The following SPIDR variants were observed in gnomAD, a reference collection of about 807,000 sequenced individuals.
The protein encoded by SPIDR is scaffold protein involved in DNA repair.
Under a neutral mutation model 104.6 loss-of-function variants are expected in SPIDR, and 93 were observed. The ratio of observed to expected loss-of-function variants is 0.89; its 90% CI spans 0.75 to 1.06. SPIDR has a LOEUF of 1.06. Ranked by LOEUF, SPIDR falls within the 50% of genes least tolerant of loss-of-function variation. The pLI is 0.00. For synonymous variants in SPIDR, 431 were observed against 416.9 expected, an observed-to-expected ratio of 1.03 and a Z score of -0.41; for missense variants, 1,154 against 1,111.2, an observed-to-expected ratio of 1.04 and a Z score of -0.55.
intron 5 of SPIDR, among the ~76,000 whole-genome samples, chr8:47,328,292 T>C (rs2048045331): frequency 1.3e-5 from 2 of 152,060 alleles, no homozygotes; most frequent in African/African-American, 4.8e-5. Flanking sequence ...AAAGTCTTGC[T>C]CTGTCACTCA....
chr8:47,345,015 T>C (rs1191218614), intron 5 of SPIDR, among the ~76,000 whole-genome samples: 2 of 152,238 alleles, frequency 1.3e-5, no homozygotes, highest in Admixed American at 6.5e-5. Flanking sequence ...GCTTTTGGTG[T>C]TTTAGACATG....
chr8:47,328,688 T>A (rs1419116569), intron 5 of SPIDR, among the ~76,000 whole-genome samples: 1 of 152,154 alleles, frequency 6.6e-6, no homozygotes, highest in Non-Finnish European at 1.5e-5. Flanking sequence ...TACAGTGGAA[T>A]CTTCACTTTT....
intron 8 of SPIDR, among the ~76,000 whole-genome samples, chr8:47,483,997 T>G (rs1287569694): frequency 6.7e-6 from 1 of 149,874 alleles, no homozygotes; most frequent in Admixed American, 6.6e-5. Context: ...AAAAAAAAAA[T>G]GTCGATGCAT....
intron 8 of SPIDR, among the ~76,000 whole-genome samples, chr8:47,494,881 T>C (rs2079210403): frequency 6.6e-6 from 1 of 152,188 alleles, no homozygotes; most frequent in South Asian, 2.1e-4. Context: ...CTATGAAAAA[T>C]TTATGCATCT....
At chr8:47,363,845 T>C (rs1450133186) in intron 5 of SPIDR, among the ~76,000 whole-genome samples, 1 of 151,610 alleles carries the variant, frequency 6.6e-6, no homozygotes, top group South Asian at 2.1e-4. Context: ...CTGTAGGTTT[T>C]TTTTTTTTTT....
At chr8:47,486,607 C>T (rs556213202) in intron 8 of SPIDR, among the ~76,000 whole-genome samples, 109 of 152,256 alleles carry the variant, frequency 7.2e-4, no homozygotes, top group African/African-American at 2.1e-3. Context: ...AGAGAAAGGT[C>T]GGGTTACCCA....
intron 5 of SPIDR, among the ~76,000 whole-genome samples, chr8:47,311,165 C>T (rs1281668357): frequency 6.6e-6 from 1 of 151,968 alleles, no homozygotes; most frequent in Non-Finnish European, 1.5e-5. Flanking sequence ...GTAAAAAATA[C>T]AATATTTCAA....
intron 5 of SPIDR, among the ~76,000 whole-genome samples, chr8:47,371,904 G>A (rs555547948): frequency 6.6e-6 from 1 of 152,062 alleles, no homozygotes; most frequent in Non-Finnish European, 1.5e-5. Context: ...TTGTCCCCTG[G>A]TTCTGCCGTA....
intron 5 of SPIDR, among the ~76,000 whole-genome samples, chr8:47,394,312 A>T (rs782143501): frequency 2.0e-4 from 31 of 152,038 alleles, no homozygotes; most frequent in Middle Eastern, 3.4e-3. Context: ...CAGCATTCCT[A>T]CCAGTGTTTC....
At chr8:47,728,151 C>T (rs996359229) in intron 17 of SPIDR, among the ~76,000 whole-genome samples, 2 of 150,852 alleles carry the variant, frequency 1.3e-5, no homozygotes, top group Non-Finnish European at 2.9e-5. Context: ...CAAAGATCGG[C>T]CAGGTGCAGT....
rs117905761 is a variant in SPIDR at position 47,426,464 on chromosome 8, G to A, written c.878-13859G>A. 4.0e-5 allele frequency among the ~76,000 whole-genome samples: 6 copies of A among 151,484 alleles called. No homozygotes were observed. In the East Asian group the frequency reaches 1.2e-3, roughly 29 times the overall value. On this transcript the variant is annotated intron_variant, in intron 7 of 19. Transcript: ENST00000297423. The stretch of plus-strand genomic sequence containing the variant: ...TCATTCAACATTTATTAAGCAACAA[G>A]TAGATTATCATCATTGATAGAACTG...
chr8:47,508,216 G>C (rs1020967504), intron 8 of SPIDR, among the ~76,000 whole-genome samples: 2 of 152,116 alleles, frequency 1.3e-5, no homozygotes, highest in Non-Finnish European at 2.9e-5. Context: ...CTGAGTTATG[G>C]CACAGAACCA....
intron 5 of SPIDR, among the ~76,000 whole-genome samples, chr8:47,340,070 T>C (rs1410074139): frequency 2.0e-5 from 3 of 152,202 alleles, no homozygotes; most frequent in African/African-American, 7.2e-5. Context: ...TATAATTTTG[T>C]GGGGCTTTTC....
chr8:47,548,597 G>A (rs2089900485), intron 8 of SPIDR, among the ~76,000 whole-genome samples: 1 of 152,174 alleles, frequency 6.6e-6, no homozygotes, highest in Admixed American at 6.5e-5. Context: ...GCAGTCAGCT[G>A]CGATTGCACC....
chr8:47,437,184 G>C (rs182677450), intron 7 of SPIDR, among the ~76,000 whole-genome samples: 7 of 151,430 alleles, frequency 4.6e-5, no homozygotes, highest in Non-Finnish European at 1.0e-4. Context: ...ATGCTGGTGC[G>C]CTGCACCCGC....
At chr8:47,373,487 T>A (rs1185807700) in intron 5 of SPIDR, among the ~76,000 whole-genome samples, 1 of 152,020 alleles carries the variant, frequency 6.6e-6, no homozygotes, top group East Asian at 1.9e-4. Flanking sequence ...GGTGGGATTT[T>A]TTTTCTTTTT....
intron 11 of SPIDR, among the ~76,000 whole-genome samples, chr8:47,686,183 G>A (rs2077790573): frequency 6.6e-6 from 1 of 152,156 alleles, no homozygotes; most frequent in Non-Finnish European, 1.5e-5. Flanking sequence ...TGGATTAATT[G>A]CCCATATAAA....
intron 8 of SPIDR, among the ~76,000 whole-genome samples, chr8:47,578,629 T>C (rs1404312835): frequency 6.6e-6 from 1 of 152,210 alleles, no homozygotes; most frequent in Non-Finnish European, 1.5e-5. Context: ...TTTTGAGTGC[T>C]AGACTCATAA....
intron 1 of SPIDR, among the ~76,000 whole-genome samples, chr8:47,272,492 A>G (rs2154215429): frequency 6.6e-6 from 1 of 152,264 alleles, no homozygotes; most frequent in African/African-American, 2.4e-5. Flanking sequence ...TCTGTGGATT[A>G]TTGGATAGAG....
Sources: allele counts gnomAD v4.1 joint callset (sites outside exome capture counted in the v4.1 genomes callset), GRCh38; gene constraint gnomAD v4.1.1; transcripts MANE v1.5; gene names NCBI Gene and HGNC (gene_info 2026-07-23, HGNC 2026-07-21).